RABGAP1L: variants seen among roughly 807,000 people sequenced by gnomAD.
The protein encoded by RABGAP1L is RAB GTPase activating protein 1 like, also known as rab GTPase-activating protein 1-like.
Under a neutral mutation model 137.7 loss-of-function variants are expected in RABGAP1L, and 63 were observed. That is an observed-to-expected ratio of 0.46 (90% CI 0.37 to 0.56). The LOEUF (loss-of-function observed/expected upper bound fraction) is 0.56, where lower values mean the gene tolerates loss of function less well. RABGAP1L is among the 20% of genes least tolerant of loss of function. The pLI is 0.00. For missense variants in RABGAP1L, 1,095 were observed against 1,244.0 expected, an observed-to-expected ratio of 0.88 and a Z score of 1.80; for synonymous variants, 431 against 433.7, an observed-to-expected ratio of 0.99 and a Z score of 0.08.
intron 1 of RABGAP1L, among the ~76,000 whole-genome samples, chr1:174,216,300 T>C (rs1299124121): frequency 6.6e-6 from 1 of 152,122 alleles, no homozygotes; most frequent in Non-Finnish European, 1.5e-5. Context: ...AAGAGAATAA[T>C]TGAATTGCTT....
At chr1:174,633,786 G>C (rs1437014950) in intron 13 of RABGAP1L, among the ~76,000 whole-genome samples, 1 of 140,816 alleles carries the variant, frequency 7.1e-6, no homozygotes, top group Non-Finnish European at 1.5e-5. Flanking sequence ...AGTGGGGAAA[G>C]GATTCCCTAT....
At chr1:174,859,280 G>A (rs905435581) in intron 19 of RABGAP1L, among the ~76,000 whole-genome samples, 1 of 152,046 alleles carries the variant, frequency 6.6e-6, no homozygotes, top group Non-Finnish European at 1.5e-5. Flanking sequence ...AGGAGATCGA[G>A]ACCATCTTGC....
At chr1:174,255,141 G>C (rs1673015240) in intron 7 of RABGAP1L, among the ~76,000 whole-genome samples, 1 of 152,014 alleles carries the variant, frequency 6.6e-6, no homozygotes, top group African/African-American at 2.4e-5. Flanking sequence ...GTCTTCTTTT[G>C]AGAGGCATCT....
intron 19 of RABGAP1L, among the ~76,000 whole-genome samples, chr1:174,839,023 T>C (rs1364512201): frequency 1.6e-5 from 1 of 60,760 alleles, no homozygotes; most frequent in African/African-American, 5.0e-5. Context: ...TCATGAACTT[T>C]TTTACGTGTG....
intron 17 of RABGAP1L, among the ~76,000 whole-genome samples, chr1:174,728,032 T>C (rs1682137793): frequency 6.6e-6 from 1 of 152,238 alleles, no homozygotes; most frequent in African/African-American, 2.4e-5. Flanking sequence ...TTGTCATTTC[T>C]ACCAATGTTA....
chr1:174,680,690 G>A (rs552554980), intron 14 of RABGAP1L, among the ~76,000 whole-genome samples: 2 of 152,066 alleles, frequency 1.3e-5, no homozygotes, highest in Non-Finnish European at 2.9e-5. Flanking sequence ...GAGCCTAGGA[G>A]CTCCAGACCT....
At chr1:174,917,618 T>G (rs1036930387) in intron 19 of RABGAP1L, among the ~76,000 whole-genome samples, 6 of 152,182 alleles carry the variant, frequency 3.9e-5, no homozygotes, top group Non-Finnish European at 7.4e-5. Context: ...TACCTTGATA[T>G]AGTAATTCTT....
At chr1:174,699,782 T>G in intron 16 of RABGAP1L, 132 bp downstream of exon 16, 1 of 870,282 alleles carries the variant, frequency 1.1e-6, no homozygotes, top group Non-Finnish European at 1.7e-6. Context: ...TGGATTTAGT[T>G]TCAGACCAAT....
chr1:174,788,447 C>T (rs992878999), intron 18 of RABGAP1L, among the ~76,000 whole-genome samples: 4 of 152,180 alleles, frequency 2.6e-5, no homozygotes, highest in Non-Finnish European at 5.9e-5. Context: ...CTTTGTGGTA[C>T]TTCTTATATT....
At chr1:174,629,336 G>A (rs780557084) in intron 13 of RABGAP1L, among the ~76,000 whole-genome samples, 46 of 152,142 alleles carry the variant, frequency 3.0e-4, no homozygotes, top group Non-Finnish European at 5.6e-4. Flanking sequence ...GGCTGTTTAC[G>A]AGAATCTGTT....
At chr1:174,717,766 G>A (rs1018964674) in intron 17 of RABGAP1L, among the ~76,000 whole-genome samples, 1 of 152,014 alleles carries the variant, frequency 6.6e-6, no homozygotes, top group Non-Finnish European at 1.5e-5. Flanking sequence ...GTGGTGAACC[G>A]CATGATAACT....
intron 13 of RABGAP1L, among the ~76,000 whole-genome samples, chr1:174,598,395 G>T (rs1670144356): frequency 6.6e-6 from 1 of 150,618 alleles, no homozygotes; most frequent in Non-Finnish European, 1.5e-5. Context: ...TATGTATTCT[G>T]CAGCTGCTGG....
Position 174,637,121 on chromosome 1 carries a change from A to G in RABGAP1L, c.1711-254A>G, listed in dbSNP as rs560085561. On this transcript the variant is annotated intron_variant, in intron 13 of 25. Coordinates refer to ENST00000681986, the MANE Select transcript of RABGAP1L (RefSeq NM_001366446.1). ...AGATGTATGTATACAACTTCCCTCCATCCCTGCCCCTTCTCCCCATATAAA... is the reference window on the plus strand; with the variant it reads ...AGATGTATGTATACAACTTCCCTCCGTCCCTGCCCCTTCTCCCCATATAAA... Among the ~76,000 whole-genome samples the G allele has an allele frequency of 2.0e-5, 3 of 152,316 alleles. No homozygotes were observed. The East Asian group carries it at 5.8e-4, about 29-fold the overall frequency.
chr1:174,411,982 T>A (rs1649991042), intron 13 of RABGAP1L, among the ~76,000 whole-genome samples: 1 of 152,032 alleles, frequency 6.6e-6, no homozygotes, highest in Admixed American at 6.6e-5. Context: ...ATCCCGTAGA[T>A]GTTTATTAAG....
chr1:174,244,338 A>G (rs1384683001), intron 5 of RABGAP1L: 3 of 152,238 alleles, frequency 2.0e-5, no homozygotes, highest in East Asian at 3.8e-4. Flanking sequence ...CGTTAAAGGA[A>G]GATTTCTGAA....
intron 13 of RABGAP1L, among the ~76,000 whole-genome samples, chr1:174,601,273 G>A (rs745828873): frequency 1.3e-5 from 2 of 152,218 alleles, no homozygotes; most frequent in Non-Finnish European, 2.9e-5. Flanking sequence ...GATGGGAGGG[G>A]CTGCTGCGAA....
At chr1:174,204,235 G>A (rs113950624) in intron 1 of RABGAP1L, among the ~76,000 whole-genome samples, 2,145 of 152,290 alleles carry the variant, frequency 0.014, 62 homozygotes, top group African/African-American at 0.05. Context: ...ATACGTGTGA[G>A]CCACTGTGCC....
intron 13 of RABGAP1L, among the ~76,000 whole-genome samples, chr1:174,634,748 T>C (rs1483379870): frequency 6.3e-5 from 9 of 142,146 alleles, no homozygotes; most frequent in African/African-American, 2.3e-4. Context: ...ATGGATGAAA[T>C]TGGAAACCAT....
intron 19 of RABGAP1L, among the ~76,000 whole-genome samples, chr1:174,851,122 T>C (rs952933993): frequency 1.3e-5 from 2 of 152,238 alleles, no homozygotes; most frequent in African/African-American, 4.8e-5. Flanking sequence ...CAGAGCCCAC[T>C]TGGGACTCCT....
Sources: allele counts gnomAD v4.1 joint callset (sites outside exome capture counted in the v4.1 genomes callset), GRCh38; gene constraint gnomAD v4.1.1; transcripts MANE v1.5; gene names NCBI Gene and HGNC (gene_info 2026-07-23, HGNC 2026-07-21).